ARHGAP42: variants seen among roughly 807,000 people sequenced by gnomAD.
The protein encoded by ARHGAP42 is rho GTPase-activating protein 42.
In ARHGAP42, 63 loss-of-function variants were observed where a neutral mutation model predicts 125.0. That is an observed-to-expected ratio of 0.50 (90% CI 0.41 to 0.62). The LOEUF (loss-of-function observed/expected upper bound fraction) is 0.62. ARHGAP42 is among the 20% of genes least tolerant of loss of function. ARHGAP42 has a pLI of 0.00. For synonymous variants in ARHGAP42, 339 were observed against 351.0 expected (o/e 0.97, Z 0.38); for missense variants, 766 against 1,024.2 (o/e 0.75, Z 3.44).
At chr11:100,898,103 GGGTTT>G (rs1565264988) in intron 4 of ARHGAP42, among the ~76,000 whole-genome samples, 1 of 152,034 alleles carries the variant, frequency 6.6e-6, no homozygotes, top group East Asian at 1.9e-4. Context: ...GATAATCATG[GGGTTT>G]TTGTGTTTGG....
intron 9 of ARHGAP42, among the ~76,000 whole-genome samples, chr11:100,943,313 T>C (rs908440674): frequency 6.6e-6 from 1 of 152,008 alleles, no homozygotes; most frequent in East Asian, 1.9e-4. Context: ...TTTAAGGCTC[T>C]AATACAAAGA....
At chr11:100,951,727 AGT>A (rs1197808306) in intron 12 of ARHGAP42, among the ~76,000 whole-genome samples, 1 of 152,214 alleles carries the variant, frequency 6.6e-6, no homozygotes, top group Non-Finnish European at 1.5e-5. Context: ...GGTATCCTGC[AGT>A]GTCAGCCACC....
At chr11:100,780,992 A>G (rs1232347808) in intron 2 of ARHGAP42, among the ~76,000 whole-genome samples, 1 of 152,200 alleles carries the variant, frequency 6.6e-6, no homozygotes. Flanking sequence ...ACTTTTGTTA[A>G]TTGGAAAGAG....
chr11:100,919,575 TA>T (rs887259434), intron 5 of ARHGAP42, among the ~76,000 whole-genome samples: 3 of 152,060 alleles, frequency 2.0e-5, no homozygotes, highest in East Asian at 1.9e-4. Flanking sequence ...TTTTCTTTTT[TA>T]AAAAAAATGG....
intron 1 of ARHGAP42, among the ~76,000 whole-genome samples, chr11:100,756,590 T>G (rs1401999419): frequency 6.6e-6 from 1 of 152,196 alleles, no homozygotes; most frequent in Admixed American, 6.5e-5. Flanking sequence ...GGTGACCCAA[T>G]CATAGGCCGA....
At chr11:100,754,214 G>A (rs1162124368) in intron 1 of ARHGAP42, among the ~76,000 whole-genome samples, 1 of 152,114 alleles carries the variant, frequency 6.6e-6, no homozygotes, top group African/African-American at 2.4e-5. Context: ...CTTAACTATA[G>A]TGGTTTTATC....
chr11:100,755,695 T>G (rs1862557671), intron 1 of ARHGAP42, among the ~76,000 whole-genome samples: 1 of 152,168 alleles, frequency 6.6e-6, no homozygotes, highest in Non-Finnish European at 1.5e-5. Flanking sequence ...GGAATAGTAG[T>G]AAGTTGAAGA....
intron 4 of ARHGAP42, among the ~76,000 whole-genome samples, chr11:100,886,123 C>G (rs566643768): frequency 6.6e-6 from 1 of 152,236 alleles, no homozygotes; most frequent in East Asian, 1.9e-4. Context: ...TTGGGCAAGT[C>G]AACATCAGAG....
intron 1 of ARHGAP42, among the ~76,000 whole-genome samples, chr11:100,728,026 C>G (rs1323834023): frequency 6.6e-6 from 1 of 152,110 alleles, no homozygotes; most frequent in Admixed American, 6.5e-5. Context: ...GTAGGACACC[C>G]AGCTGGTGTT....
At chr11:100,844,857 T>C (rs550024) in intron 3 of ARHGAP42, among the ~76,000 whole-genome samples, 124,555 of 152,110 alleles carry the variant, frequency 0.82, 51,264 homozygotes, top group East Asian at 0.96. Flanking sequence ...TAAACTAGTA[T>C]AACCACTGTG....
intron 2 of ARHGAP42, among the ~76,000 whole-genome samples, chr11:100,790,125 G>T (rs560625408): frequency 1.4e-4 from 21 of 152,228 alleles, no homozygotes; most frequent in African/African-American, 5.1e-4. Context: ...ACATTAAACA[G>T]GTCTTCCAGG....
chr11:100,754,192 G>A (rs1382029838), intron 1 of ARHGAP42, among the ~76,000 whole-genome samples: 1 of 152,134 alleles, frequency 6.6e-6, no homozygotes, highest in Non-Finnish European at 1.5e-5. Flanking sequence ...TCACCGAATT[G>A]GTAAGATTCC....
chr11:100,789,250 C>G (rs760101591), intron 2 of ARHGAP42, among the ~76,000 whole-genome samples: 1 of 152,210 alleles, frequency 6.6e-6, no homozygotes, highest in African/African-American at 2.4e-5. Context: ...TTGGTTCAAT[C>G]TGGCTTTTAT....
intron 4 of ARHGAP42, among the ~76,000 whole-genome samples, chr11:100,875,761 C>CGGG (rs66825732): frequency 0.035 from 5,246 of 151,744 alleles, 254 homozygotes; most frequent in East Asian, 0.24. Context: ...TCCAGGGTGG[C>CGGG]GGGGGGTGAC....
intron 12 of ARHGAP42, among the ~76,000 whole-genome samples, chr11:100,957,032 G>A (rs1029702991): frequency 5.3e-5 from 8 of 152,020 alleles, no homozygotes; most frequent in Non-Finnish European, 1.2e-4. Flanking sequence ...ATACTCTAAA[G>A]CACTTACTAT....
At chr11:100,897,346 C>G (rs1252655158) in intron 4 of ARHGAP42, among the ~76,000 whole-genome samples, 1 of 152,146 alleles carries the variant, frequency 6.6e-6, no homozygotes, top group Admixed American at 6.5e-5. Context: ...TCCATATGAA[C>G]TTTAAAGTAG....
chr11:100,899,757 T>C (rs1448800269), intron 4 of ARHGAP42, among the ~76,000 whole-genome samples: 1 of 150,328 alleles, frequency 6.7e-6, no homozygotes. Flanking sequence ...CTCTATTTGC[T>C]TTGTAGATCT....
chr11:100,766,433 A>T (rs1320664846), intron 1 of ARHGAP42, among the ~76,000 whole-genome samples: 1 of 152,206 alleles, frequency 6.6e-6, no homozygotes, highest in African/African-American at 2.4e-5. Context: ...ACAAATTTTA[A>T]AATTTATTAG....
chr11:100,945,310 A>G (rs1025124818), intron 10 of ARHGAP42, among the ~76,000 whole-genome samples: 1 of 133,362 alleles, frequency 7.5e-6, no homozygotes, highest in Non-Finnish European at 1.6e-5. Flanking sequence ...GAACCCCTCC[A>G]ACTCATCCCT....
Sources: gnomAD v4.1 joint callset for allele counts (sites outside exome capture counted in the v4.1 genomes callset) on GRCh38, gnomAD v4.1.1 for gene constraint, MANE v1.5 for transcripts, NCBI Gene and HGNC (gene_info 2026-07-23, HGNC 2026-07-21) for gene names.